The following CACNG5 variants were observed in gnomAD, a reference collection of about 807,000 sequenced individuals.
CACNG5 encodes calcium voltage-gated channel auxiliary subunit gamma 5, also known as voltage-dependent calcium channel gamma-5 subunit.
In CACNG5, 18 loss-of-function variants were observed where a neutral mutation model predicts 24.8. The observed-to-expected ratio is 0.73, with a 90% CI of 0.50 to 1.08. The LOEUF (loss-of-function observed/expected upper bound fraction) is 1.08. Ranked by LOEUF, CACNG5 falls within the 50% of genes least tolerant of loss-of-function variation. CACNG5 has a pLI of 0.00. For synonymous variants in CACNG5, 157 were observed against 149.1 expected (o/e 1.05, Z -0.39); for missense variants, 349 against 367.9 (o/e 0.95, Z 0.42).
intron 1 of CACNG5, among the ~76,000 whole-genome samples, chr17:66,863,607 T>C (rs1350844179): frequency 6.6e-6 from 1 of 152,230 alleles, no homozygotes; most frequent in Non-Finnish European, 1.5e-5. Flanking sequence ...CCTCAGGTGA[T>C]CTGCCCACCT....
intron 1 of CACNG5, among the ~76,000 whole-genome samples, chr17:66,842,110 A>G (rs2144497655): frequency 6.6e-6 from 1 of 152,182 alleles, no homozygotes; most frequent in South Asian, 2.1e-4. Flanking sequence ...CCATGCCCTC[A>G]CCTTTACTGC....
rs1057406510 is a variant in CACNG5, at chr17:66,888,732, T to G, written c.*3492T>G. Among the ~76,000 whole-genome samples, 9 of 151,996 alleles carry G rather than the reference T, an allele frequency of 5.9e-5. No homozygotes were observed. The highest frequency in any genetic ancestry group is 1.0e-4 in the Non-Finnish European group (7 of 67,984). On this transcript the variant is annotated 3_prime_UTR_variant, in exon 6 of 6. Coordinates refer to ENST00000533854, the MANE Select transcript of CACNG5 (RefSeq NM_145811.3). Reference sequence around the variant, plus strand: ...TGAGACAGCTTGGAATGTTTCTGTGTGTGGGAGAAGTTTATGGCAGGGTTG... The same window carrying G: ...TGAGACAGCTTGGAATGTTTCTGTGGGTGGGAGAAGTTTATGGCAGGGTTG...
At chr17:66,861,777 G>C (rs958163333) in intron 1 of CACNG5, among the ~76,000 whole-genome samples, 1 of 152,196 alleles carries the variant, frequency 6.6e-6, no homozygotes, top group Non-Finnish European at 1.5e-5. Context: ...TGTTCAGCTG[G>C]AGCTGCCAGA....
intron 1 of CACNG5, among the ~76,000 whole-genome samples, chr17:66,866,361 C>T (rs1976930245): frequency 6.6e-6 from 1 of 152,162 alleles, no homozygotes; most frequent in South Asian, 2.1e-4. Context: ...CCTCGAACTC[C>T]TGGGCTCAGG....
chr17:66,880,430 G>A, intron 3 of CACNG5, 127 bp from the exon 4 acceptor site: 1 of 1,110,356 alleles, frequency 9.0e-7, no homozygotes, highest in Non-Finnish European at 1.3e-6. Flanking sequence ...TAGAGTCTGG[G>A]GAACCCCTGC....
intron 1 of CACNG5, among the ~76,000 whole-genome samples, chr17:66,857,065 GTTTTTTTTT>G (rs56153121): frequency 2.1e-5 from 2 of 94,032 alleles, no homozygotes; most frequent in South Asian, 4.0e-4. Context: ...CAATTTTTAA[GTTTTTTTTT>G]TTTTTTTTTT....
chr17:66,840,979 G>A (rs9904462), intron 1 of CACNG5, among the ~76,000 whole-genome samples: 12,469 of 152,244 alleles, frequency 0.082, 675 homozygotes, highest in African/African-American at 0.16. Context: ...TGCTGGGCAG[G>A]CCCTGTGAAC....
At chr17:66,882,100 A>G (rs1977166355) in intron 4 of CACNG5, among the ~76,000 whole-genome samples, 1 of 152,174 alleles carries the variant, frequency 6.6e-6, no homozygotes, top group Admixed American at 6.5e-5. Context: ...AGGCTATTCC[A>G]GTAGTAGAGG....
At chr17:66,840,412 C>T (rs2144496000) in intron 1 of CACNG5, among the ~76,000 whole-genome samples, 1 of 152,262 alleles carries the variant, frequency 6.6e-6, no homozygotes, top group East Asian at 1.9e-4. Context: ...CTGCTGGGTT[C>T]CCTCTGATGA....
At chr17:66,859,231 G>A (rs1374365948) in intron 1 of CACNG5, among the ~76,000 whole-genome samples, 4 of 152,174 alleles carry the variant, frequency 2.6e-5, no homozygotes, top group African/African-American at 7.2e-5. Context: ...CCCTGAAGTA[G>A]CTGGTACATC....
chr17:66,844,877 C>G (rs1416072266), intron 1 of CACNG5, among the ~76,000 whole-genome samples: 1 of 152,230 alleles, frequency 6.6e-6, no homozygotes, highest in Non-Finnish European at 1.5e-5. Context: ...CTTTCTGAAC[C>G]CTTGGAATTT....
intron 5 of CACNG5, 73 bp from the exon 6 acceptor site, chr17:66,884,910 G>T: frequency 1.2e-6 from 2 of 1,613,856 alleles, no homozygotes; most frequent in Non-Finnish European, 1.7e-6. Flanking sequence ...GCTGTGTCCT[G>T]TGCAGACCCC....
Position 66,887,807 on chromosome 17 carries a change from C to T in CACNG5, c.*2567C>T, listed in dbSNP as rs138553407. ...TTAGCCTGGGAAGATGTGGTTTACACGCATCTTAGGAACAGGTTCTCGGTC... is the reference window on the plus strand; with the variant it reads ...TTAGCCTGGGAAGATGTGGTTTACATGCATCTTAGGAACAGGTTCTCGGTC... On this transcript the variant is annotated 3_prime_UTR_variant, in exon 6 of 6. Transcript: ENST00000533854. Among the ~76,000 whole-genome samples, 126 of 152,168 alleles carry T rather than the reference C, an allele frequency of 8.3e-4. No individual in the cohort carries two copies. The highest frequency in any genetic ancestry group is 2.8e-3 in the African/African-American group (118 of 41,524).
At chr17:66,883,079 A>G (rs1977187812) in intron 4 of CACNG5, among the ~76,000 whole-genome samples, 1 of 151,924 alleles carries the variant, frequency 6.6e-6, no homozygotes, top group East Asian at 1.9e-4. Context: ...CCATCTATCA[A>G]CCCATCCTTC....
At chr17:66,884,347 AC>A (rs1426933705) in intron 4 of CACNG5, among the ~76,000 whole-genome samples, 168 bp from the exon 5 acceptor site, 1 of 152,154 alleles carries the variant, frequency 6.6e-6, no homozygotes, top group Non-Finnish European at 1.5e-5. Context: ...GCTGGTCTGA[AC>A]AGGGTGCTTG....
At chr17:66,883,989 G>A (rs751756235) in intron 4 of CACNG5, among the ~76,000 whole-genome samples, 27 of 152,082 alleles carry the variant, frequency 1.8e-4, no homozygotes, top group Non-Finnish European at 2.6e-4. Context: ...AAAATTAGCC[G>A]GGCATGGTGG....
chr17:66,889,789 AC>A lies in CACNG5; in HGVS notation c.*4550del. On this transcript the variant is annotated 3_prime_UTR_variant, in exon 6 of 6. Transcript: ENST00000533854. ...AAGGTAATTGCTTTACTCAGTGTCC[AC>A]TGATTTAAATGTTAGTGTCATCCAA... is the stretch of plus-strand genomic sequence containing the variant. 6.6e-6 allele frequency among the ~76,000 whole-genome samples: 1 copy of A among 152,236 alleles called. No homozygotes were observed. The highest frequency in any genetic ancestry group is 1.9e-4 in the East Asian group (1 of 5,200).
chr17:66,843,314 G>C (rs571385021), intron 1 of CACNG5, among the ~76,000 whole-genome samples: 131 of 152,276 alleles, frequency 8.6e-4, no homozygotes, highest in Middle Eastern at 3.4e-3. Flanking sequence ...AACAAAGGAG[G>C]GGAAAAGCTT....
intron 1 of CACNG5, among the ~76,000 whole-genome samples, chr17:66,848,263 C>T (rs1976664366): frequency 6.6e-6 from 1 of 152,206 alleles, no homozygotes; most frequent in African/African-American, 2.4e-5. Context: ...GTATTCTCCC[C>T]TCATTCCAAT....
Sources: allele counts gnomAD v4.1 joint callset (sites outside exome capture counted in the v4.1 genomes callset), GRCh38; gene constraint gnomAD v4.1.1; transcripts MANE v1.5; gene names NCBI Gene and HGNC (gene_info 2026-07-23, HGNC 2026-07-21).